The following NUP188 variants were observed in gnomAD, a reference collection of about 807,000 sequenced individuals.
NUP188 encodes the protein nucleoporin 188, also known as nucleoporin NUP188.
In NUP188, 97 loss-of-function variants were observed where a neutral mutation model predicts 223.0. The ratio of observed to expected loss-of-function variants is 0.43; its 90% CI spans 0.37 to 0.51. The LOEUF is 0.51. NUP188 is among the 20% of genes least tolerant of loss of function. The pLI, the probability that NUP188 is intolerant of heterozygous loss-of-function variation, is 0.00. For missense variants in NUP188, 1,947 were observed against 2,175.6 expected, an observed-to-expected ratio of 0.89 and a Z score of 2.09; for synonymous variants, 869 against 828.0, an observed-to-expected ratio of 1.05 and a Z score of -0.85.
At chr9:128,996,769 T>C (rs1272407815) in intron 30 of NUP188, among the ~76,000 whole-genome samples, 1 of 152,086 alleles carries the variant, frequency 6.6e-6, no homozygotes, top group Non-Finnish European at 1.5e-5. Context: ...CCCACCATCC[T>C]CTTTCCCCAA....
intron 12 of NUP188, among the ~76,000 whole-genome samples, chr9:128,973,573 G>A (rs1842131946): frequency 6.6e-6 from 1 of 152,104 alleles, no homozygotes; most frequent in African/African-American, 2.4e-5. Flanking sequence ...GGTAGAGACG[G>A]GCTTTCACCA....
Position 128,965,331 on chromosome 9 carries a change from G to A in NUP188, c.586-3175G>A, listed in dbSNP as rs1842012620. ...GGAATTTGTTCATTTCATTTCATTG[G>A]TGAAATCTATTTACATAAGGCTGTT... On this transcript the variant is annotated intron_variant, in intron 8 of 43. Transcript: ENST00000372577. 2.6e-5 allele frequency among the ~76,000 whole-genome samples: 4 copies of A among 151,976 alleles called. No individual in the cohort carries two copies. In the South Asian group the frequency reaches 8.3e-4, roughly 31 times the overall value.
rs763900176 is a variant in NUP188, at chr9:128,999,692, G to C, written c.3730G>C (p.Ala1244Pro). 6.2e-7 allele frequency: 1 copy of C among 1,614,054 alleles called. No homozygotes were observed. The highest frequency in any genetic ancestry group is 8.5e-7 in the Non-Finnish European group (1 of 1,180,014). The part of the protein sequence containing the change: ...VCETLQEEVI[A>P]LFDQTRHSLA... ...TGAGACCCTCCAAGAGGAAGTGATT[G>C]CACTCTTCGACCAGACCCGCCACAG... Residue 1244 changes from alanine (A) to proline (P), a missense_variant, in exon 34 of 44, where the codon GCA becomes CCA. Physicochemically the swap from Ala to Pro is conservative, Grantham distance 27. Around this residue, in one of 3 missense-constraint regions of NUP188, gnomAD observed 905 missense variants for 990.6 expected, o/e 0.91. Transcript: ENST00000372577.
chr9:128,956,210 T>TGC (rs144622509), intron 3 of NUP188, 140 bp from the exon 4 acceptor site: 99,109 of 438,242 alleles, frequency 0.23, 10,564 homozygotes, highest in Admixed American at 0.31. Flanking sequence ...TGTGTGTGTG[T>TGC]GCGTGTGTGT....
chr9:128,986,424 CT>C, intron 20 of NUP188, 133 bp from the exon 21 acceptor site: 31 of 938,440 alleles, frequency 3.3e-5, no homozygotes, highest in Non-Finnish European at 3.6e-5. Context: ...TTTGATGTTT[CT>C]TTTTTTTCAT....
At chr9:128,998,334 C>T in intron 31 of NUP188, 106 bp downstream of exon 31, 4 of 1,153,268 alleles carry the variant, frequency 3.5e-6, no homozygotes, top group Non-Finnish European at 5.2e-6. Context: ...AGTCAGGTCA[C>T]AGGGCTCACG....
At chr9:128,994,559 C>T in intron 28 of NUP188, 117 bp downstream of exon 28, 1 of 771,760 alleles carries the variant, frequency 1.3e-6, no homozygotes, top group Admixed American at 2.2e-5. Flanking sequence ...AGAATGTTCC[C>T]TTCACTAGAA....
chr9:128,994,504 G>A (rs181900392), intron 28 of NUP188, 62 bp downstream of exon 28: 12 of 1,117,734 alleles, frequency 1.1e-5, no homozygotes, highest in Non-Finnish European at 1.6e-5. Context: ...GCTGTGGGCT[G>A]TGAGATGGGG....
Position 128,947,700 on chromosome 9 carries a change from G to A in NUP188, c.-20G>A, listed in dbSNP as rs1209516535. ...GGCATGGCGTCTGGGGGCGGGGTTA[G>A]GGCGAGCGGGCGCGCGAAGATGGCG... On this transcript the variant is annotated 5_prime_UTR_variant, in exon 1 of 44. Transcript: ENST00000372577. 3.4e-6 allele frequency: 5 copies of A among 1,467,692 alleles called. No individual in the cohort carries two copies. The highest frequency in any genetic ancestry group is 1.4e-5 in the African/African-American group (1 of 69,696). The allele number at this position is 1,467,692 out of a possible 1,614,324, so 90.9% of individuals were successfully genotyped here.
intron 12 of NUP188, 85 bp from the exon 13 acceptor site, chr9:128,979,177 G>A: frequency 2.0e-6 from 2 of 1,021,098 alleles, no homozygotes; most frequent in Non-Finnish European, 3.0e-6. Flanking sequence ...GTGTTTTGGT[G>A]TTTTTATTTC....
At chr9:128,995,954 A>T (rs566876647) in intron 30 of NUP188, among the ~76,000 whole-genome samples, 1 of 152,300 alleles carries the variant, frequency 6.6e-6, no homozygotes, top group African/African-American at 2.4e-5. Flanking sequence ...TTGGTTCTAG[A>T]AACTGCATTT....
chr9:129,003,706 A>C (rs1842720261), intron 38 of NUP188: 1 of 565,812 alleles, frequency 1.8e-6, no homozygotes, highest in African/African-American at 1.9e-5. Context: ...TTAAGAATAC[A>C]CTTGGGGCCG....
intron 30 of NUP188, among the ~76,000 whole-genome samples, chr9:128,997,709 A>G (rs1842553479): frequency 6.6e-6 from 1 of 151,574 alleles, no homozygotes; most frequent in Non-Finnish European, 1.5e-5. Context: ...TGCCCAGACT[A>G]TAAGCCCTAT....
chr9:128,957,328 AC>A (rs1392743089), intron 5 of NUP188, among the ~76,000 whole-genome samples: 1 of 152,140 alleles, frequency 6.6e-6, no homozygotes, highest in Admixed American at 6.6e-5. Flanking sequence ...AAAGAGTGAG[AC>A]CCTATCTCTT....
chr9:128,982,140 T>C (rs1474093940), intron 15 of NUP188, among the ~76,000 whole-genome samples: 1 of 151,412 alleles, frequency 6.6e-6, no homozygotes, highest in African/African-American at 2.4e-5. Context: ...TTGAAAAAGC[T>C]TTAGGAATGT....
In NUP188 at chr9:128,948,049, C is replaced by A. The variant is rs1294417244; in HGVS notation, c.32+298C>A. On this transcript the variant is annotated intron_variant, in intron 1 of 43. Transcript: ENST00000372577. The stretch of plus-strand genomic sequence containing the variant: ...CTCTCACCTCCGACGCGTCTCTTGG[C>A]GCCCCACCCGCGCTTCCTTCTCCGG... 9.8e-6 allele frequency: 3 copies of A among 305,668 alleles called. No individual in the cohort carries two copies. The East Asian group carries it at 1.5e-4, about 15-fold the overall frequency. The allele number at this position is 305,668 out of a possible 1,614,324, so 18.9% of individuals were successfully genotyped here. A position where few individuals can be genotyped will look rare whatever the true frequency, so the allele number is the denominator to read the frequency against.
intron 15 of NUP188, among the ~76,000 whole-genome samples, chr9:128,981,950 G>A (rs962335733): frequency 1.3e-5 from 2 of 151,920 alleles, no homozygotes; most frequent in African/African-American, 4.8e-5. Context: ...GGTGGTGCAT[G>A]CCTGTAATCC....
intron 8 of NUP188, among the ~76,000 whole-genome samples, chr9:128,963,336 A>G (rs1478231218): frequency 3.7e-5 from 5 of 134,444 alleles, no homozygotes; most frequent in Non-Finnish European, 7.6e-5. Flanking sequence ...CCCAGGCTGG[A>G]GTTCAGTGGC....
rs1464662206 is a variant in NUP188, at chr9:128,958,954, ATATT to A, written c.466-55_466-52del. The A allele has an allele frequency of 3.6e-6, 5 of 1,407,366 alleles. No individual in the cohort carries two copies. The East Asian group carries it at 1.0e-4, about 28-fold the overall frequency. 87.2% of individuals were successfully genotyped at this position (1,407,366 alleles called of 1,614,324 possible). ...CTGTATCATCTTAATAATTTTATTA[ATATT>A]TATTTGAATATTTACCTTTTATTCT... On this transcript the variant is annotated intron_variant, in intron 7 of 43. Transcript: ENST00000372577.
Sources: gnomAD v4.1 joint callset for allele counts (sites outside exome capture counted in the v4.1 genomes callset) on GRCh38, gnomAD v4.1.1 for gene constraint, gnomAD v4.1.1 regional missense constraint, MANE v1.5 for transcripts, NCBI Gene and HGNC (gene_info 2026-07-23, HGNC 2026-07-21) for gene names.